The following GDPD1 variants were observed in gnomAD, a reference collection of about 807,000 sequenced individuals.
GDPD1 encodes glycerophosphodiester phosphodiesterase domain containing 1.
A neutral mutation model predicts 45.1 loss-of-function variants in GDPD1; 28 were observed. The ratio of observed to expected loss-of-function variants is 0.62; its 90% CI spans 0.46 to 0.85. The LOEUF is 0.85. GDPD1 is among the 40% of genes least tolerant of loss of function. The pLI is 0.00. For missense variants in GDPD1, 256 were observed against 364.8 expected, an observed-to-expected ratio of 0.70 and a Z score of 2.43; for synonymous variants, 139 against 131.4, an observed-to-expected ratio of 1.06 and a Z score of -0.40.
chr17:59,266,387 CAA>C (rs540974713), intron 6 of GDPD1, among the ~76,000 whole-genome samples: 15 of 64,738 alleles, frequency 2.3e-4, no homozygotes, highest in Admixed American at 5.5e-4. Flanking sequence ...GACTCCGTCT[CAA>C]AAAAAAAAAA....
At chr17:59,236,730 G>A (rs918365501) in intron 2 of GDPD1, among the ~76,000 whole-genome samples, 2 of 152,006 alleles carry the variant, frequency 1.3e-5, no homozygotes, top group African/African-American at 4.8e-5. Flanking sequence ...GGCTGATCTC[G>A]AACTACGGAC....
intron 1 of GDPD1, among the ~76,000 whole-genome samples, chr17:59,229,863 G>C (rs2047075858): frequency 6.6e-6 from 1 of 152,080 alleles, no homozygotes; most frequent in South Asian, 2.1e-4. Flanking sequence ...TGCCCACAAA[G>C]GGTAATAAAA....
At chr17:59,251,534 C>T (rs1247784193) in intron 4 of GDPD1, among the ~76,000 whole-genome samples, 1 of 150,800 alleles carries the variant, frequency 6.6e-6, no homozygotes, top group African/African-American at 2.4e-5. Flanking sequence ...AAAAAAAGAA[C>T]AATGCTGTGG....
At chr17:59,241,233 T>C (rs2047173470) in intron 2 of GDPD1, among the ~76,000 whole-genome samples, 1 of 152,252 alleles carries the variant, frequency 6.6e-6, no homozygotes, top group South Asian at 2.1e-4. Flanking sequence ...TTTTATATTA[T>C]GTGTTGTAAG....
At position 59,274,758 on chromosome 17, in the gene GDPD1, A is replaced by T. The variant is rs1340227124; in HGVS notation, c.*985A>T. 6.6e-6 allele frequency among the ~76,000 whole-genome samples: 1 copy of T among 151,474 alleles called. No individual in the cohort carries two copies. The highest frequency in any genetic ancestry group is 1.5e-5 in the Non-Finnish European group (1 of 67,888). ...GCGCCACTGCACTCCAGCCTGGGCT[A>T]CAGAGCAAGACTCCGTCTCAAAAAA... On this transcript the variant is annotated 3_prime_UTR_variant, in exon 10 of 10. Coordinates refer to ENST00000284116, the MANE Select transcript of GDPD1 (RefSeq NM_182569.4).
chr17:59,253,296 A>C (rs1254857903), intron 4 of GDPD1, among the ~76,000 whole-genome samples: 2 of 152,166 alleles, frequency 1.3e-5, no homozygotes, highest in Non-Finnish European at 1.5e-5. Flanking sequence ...TCTGCCTAGA[A>C]AAATACTGGG....
Position 59,248,125 on chromosome 17 carries a change from C to T in GDPD1, c.322-615C>T, listed in dbSNP as rs116097339. Among the ~76,000 whole-genome samples the T allele has an allele frequency of 3.9e-3, 599 of 151,900 alleles. 9 individuals are homozygous for T. Among genetic ancestry groups the T allele is most frequent in the African/African-American group, 0.013 (559 of 41,460 alleles). On this transcript the variant is annotated intron_variant, in intron 3 of 9. Coordinates refer to ENST00000284116, the MANE Select transcript of GDPD1 (RefSeq NM_182569.4). Reference sequence around the variant, plus strand: ...TAAAAGAACATTTGCCAGCTGGGTGCGGTAGCTCATGCCTATAGTCCCAGT... The same window carrying T: ...TAAAAGAACATTTGCCAGCTGGGTGTGGTAGCTCATGCCTATAGTCCCAGT...
At chr17:59,224,624 C>CAAA (rs71145538) in intron 1 of GDPD1, among the ~76,000 whole-genome samples, 3 of 114,794 alleles carry the variant, frequency 2.6e-5, no homozygotes, top group Non-Finnish European at 5.7e-5. Flanking sequence ...GACTCCATCT[C>CAAA]AAAAAAAAAA....
chr17:59,224,994 A>G (rs1407130036), intron 1 of GDPD1, among the ~76,000 whole-genome samples: 1 of 152,032 alleles, frequency 6.6e-6, no homozygotes, highest in Non-Finnish European at 1.5e-5. Context: ...ATAAAACAAT[A>G]CCACTCTTTT....
chr17:59,258,542 C>CA (rs1009904809), intron 6 of GDPD1, among the ~76,000 whole-genome samples: 4 of 151,518 alleles, frequency 2.6e-5, no homozygotes, highest in South Asian at 2.1e-4. Context: ...GACTCTGTCT[C>CA]AAAAAAAACA....
chr17:59,224,635 A>C (rs991601312), intron 1 of GDPD1, among the ~76,000 whole-genome samples: 7 of 146,310 alleles, frequency 4.8e-5, no homozygotes, highest in East Asian at 3.9e-4. Flanking sequence ...AAAAAAAAAA[A>C]AAAACAAAAA....
chr17:59,261,748 C>A (rs1248257398), intron 6 of GDPD1, among the ~76,000 whole-genome samples: 1 of 151,874 alleles, frequency 6.6e-6, no homozygotes, highest in Non-Finnish European at 1.5e-5. Flanking sequence ...ATCCTCCCAC[C>A]TCAGCCTTTT....
chr17:59,274,001 A>G lies in GDPD1; in HGVS notation c.*228A>G, dbSNP rs957104505. On this transcript the variant is annotated 3_prime_UTR_variant, in exon 10 of 10. Coordinates refer to ENST00000284116, the MANE Select transcript of GDPD1 (RefSeq NM_182569.4). ...AAATTGTTTAGAAAGATAATTGGTTATGAGATGTAAGTTTTAATTTCTTAA... is the reference window on the plus strand; with the variant it reads ...AAATTGTTTAGAAAGATAATTGGTTGTGAGATGTAAGTTTTAATTTCTTAA... 1.4e-6 allele frequency: 1 copy of G among 738,950 alleles called. No individual in the cohort carries two copies. Among genetic ancestry groups the G allele is most frequent in the African/African-American group, 1.9e-5 (1 of 52,496 alleles). 45.8% of individuals were successfully genotyped at this position (738,950 alleles called of 1,614,324 possible).
At chr17:59,254,142 A>G in intron 4 of GDPD1, among the ~76,000 whole-genome samples, 1 of 151,822 alleles carries the variant, frequency 6.6e-6, no homozygotes, top group Non-Finnish European at 1.5e-5. Context: ...CAGGCGGATC[A>G]CCTGAGATTG....
intron 1 of GDPD1, among the ~76,000 whole-genome samples, chr17:59,227,909 C>CCTGT (rs1470175072): frequency 5.9e-5 from 9 of 152,154 alleles, no homozygotes; most frequent in Non-Finnish European, 8.8e-5. Context: ...GTGGCTTACG[C>CCTGT]CTGTAATCAC....
At chr17:59,248,290 C>A (rs2047227609) in intron 3 of GDPD1, among the ~76,000 whole-genome samples, 3 of 151,522 alleles carry the variant, frequency 2.0e-5, no homozygotes, top group Admixed American at 6.6e-5. Context: ...TAGAGTGATA[C>A]CCTGTCTCAA....
intron 3 of GDPD1, among the ~76,000 whole-genome samples, chr17:59,248,186 C>T (rs1197246415): frequency 6.6e-6 from 1 of 151,790 alleles, no homozygotes; most frequent in Non-Finnish European, 1.5e-5. Flanking sequence ...AAGAAGGCCT[C>T]CCAAAAGGAT....
intron 1 of GDPD1, among the ~76,000 whole-genome samples, chr17:59,223,570 G>A (rs2047022557): frequency 6.6e-6 from 1 of 151,978 alleles, no homozygotes; most frequent in South Asian, 2.1e-4. Context: ...GTGCAATTTG[G>A]GCTTATTCTC....
In GDPD1 at chr17:59,259,698, G is replaced by A. The variant is rs114866143; in HGVS notation, c.576+1858G>A. On this transcript the variant is annotated intron_variant, in intron 6 of 9. Coordinates refer to ENST00000284116, the MANE Select transcript of GDPD1 (RefSeq NM_182569.4). ...TGGAAAGCAGAGGTTGCAGTGAGCC[G>A]AGATGTCACCAGCCTGGGTGACAGA... Among the ~76,000 whole-genome samples the A allele has an allele frequency of 9.3e-3, 1,350 of 145,858 alleles. 25 individuals carry two copies. The highest frequency in any genetic ancestry group is 0.032 in the African/African-American group (1,257 of 39,402).
Sources: gnomAD v4.1 joint callset for allele counts (sites outside exome capture counted in the v4.1 genomes callset) on GRCh38, gnomAD v4.1.1 for gene constraint, MANE v1.5 for transcripts, NCBI Gene and HGNC (gene_info 2026-07-23, HGNC 2026-07-21) for gene names.